Variants in ZFR observed in about 807,000 individuals in gnomAD.
ZFR encodes the protein zinc finger RNA binding protein, also known as zinc finger RNA-binding protein.
Under a neutral mutation model 130.7 loss-of-function variants are expected in ZFR, and 19 were observed. The observed-to-expected ratio is 0.15, with a 90% confidence interval of 0.10 to 0.21. The LOEUF (loss-of-function observed/expected upper bound fraction) is 0.21. ZFR is among the 10% of genes least tolerant of loss of function. The probability of loss-of-function intolerance (pLI) is 1.00; values close to 1 mark genes in which losing one functional copy is unlikely to be tolerated. For missense variants in ZFR, 872 were observed against 1,321.5 expected (o/e 0.66, Z 5.27); for synonymous variants, 466 against 456.9 (o/e 1.02, Z -0.25).
chr5:32,394,306 T>TA (rs1158913910), intron 11 of ZFR: 9 of 167,926 alleles, frequency 5.4e-5, no homozygotes, highest in Non-Finnish European at 1.3e-4. Context: ...TGAAACATGT[T>TA]ACAATCTGGA....
At chr5:32,378,652 G>A (rs1266573172) in intron 17 of ZFR, among the ~76,000 whole-genome samples, 2 of 151,872 alleles carry the variant, frequency 1.3e-5, no homozygotes, top group African/African-American at 2.4e-5. Flanking sequence ...TAAATAAGAA[G>A]GCTTTTGGTT....
intron 10 of ZFR, among the ~76,000 whole-genome samples, chr5:32,396,612 C>T (rs1250752910): frequency 4.6e-5 from 7 of 152,074 alleles, no homozygotes; most frequent in Non-Finnish European, 2.9e-5. Context: ...GGGGTGCATG[C>T]CTGTAATCCC....
chr5:32,435,475 C>G (rs998180178), intron 2 of ZFR, among the ~76,000 whole-genome samples: 1 of 152,174 alleles, frequency 6.6e-6, no homozygotes, highest in Non-Finnish European at 1.5e-5. Context: ...GTAACTTAAA[C>G]AGAAGAGTGT....
At chr5:32,437,587 G>C (rs1229635892) in intron 2 of ZFR, among the ~76,000 whole-genome samples, 2 of 152,132 alleles carry the variant, frequency 1.3e-5, no homozygotes, top group African/African-American at 2.4e-5. Flanking sequence ...TTAATAAGTA[G>C]ACTAAAGATC....
At chr5:32,380,018 G>A in intron 16 of ZFR, 57 bp downstream of exon 16, 1 of 1,410,500 alleles carries the variant, frequency 7.1e-7, no homozygotes, top group Non-Finnish European at 1.0e-6. Context: ...TAAACATGTT[G>A]TACTGAACTA....
intron 2 of ZFR, among the ~76,000 whole-genome samples, chr5:32,430,993 T>C (rs1021723897): frequency 6.6e-6 from 1 of 152,142 alleles, no homozygotes; most frequent in Non-Finnish European, 1.5e-5. Context: ...GAGGACTGCT[T>C]GAGCCCGGGA....
intron 6 of ZFR, 33 bp downstream of exon 6, chr5:32,406,741 G>C (rs868223349): frequency 6.3e-7 from 1 of 1,586,706 alleles, no homozygotes; most frequent in Non-Finnish European, 8.5e-7. Context: ...AATAACCACT[G>C]AAGACTCAAG....
Position 32,390,284 on chromosome 5 carries a change from C to T in ZFR, c.2133G>A (p.Gln711=), listed in dbSNP as rs779539942. 28 of 1,613,462 alleles carry T rather than the reference C, an allele frequency of 1.7e-5. No individual in the cohort carries two copies. The South Asian group carries it at 3.1e-4, about 18-fold the overall frequency. ...CAACGTGGACACTCACTGCAGGCCC[C>T]TGAGGCTGAGGAGGCATGCCTGGTC... is the stretch of plus-strand genomic sequence containing the variant. The part of the protein sequence containing the change: ...GVRPGMPPQP[Q]GPAPLRRPDS... The change falls in exon 12 of 20, where the codon CAG becomes CAA. Residue 711 remains glutamine, a synonymous_variant. Transcript: ENST00000265069.
At chr5:32,435,984 A>G (rs1754323090) in intron 2 of ZFR, among the ~76,000 whole-genome samples, 1 of 152,152 alleles carries the variant, frequency 6.6e-6, no homozygotes, top group Non-Finnish European at 1.5e-5. Flanking sequence ...CAGTAACTTG[A>G]TAACTGTACT....
intron 2 of ZFR, among the ~76,000 whole-genome samples, chr5:32,439,871 T>A (rs1361548756): frequency 6.8e-6 from 1 of 147,308 alleles, no homozygotes; most frequent in Non-Finnish European, 1.5e-5. Flanking sequence ...TGGGATATAA[T>A]GGGATTATTT....
chr5:32,414,638 G>A (rs1208032712), intron 5 of ZFR, among the ~76,000 whole-genome samples: 1 of 152,118 alleles, frequency 6.6e-6, no homozygotes, highest in Non-Finnish European at 1.5e-5. Flanking sequence ...TTAACCTTGA[G>A]TTTTCAATTT....
chr5:32,361,257 T>C (rs1025955484), intron 19 of ZFR, among the ~76,000 whole-genome samples: 1 of 152,238 alleles, frequency 6.6e-6, no homozygotes, highest in Non-Finnish European at 1.5e-5. Context: ...ATAATTCTAG[T>C]TGCTAAGAAT....
chr5:32,380,331 C>A, intron 15 of ZFR, 159 bp from the exon 16 acceptor site: 2 of 501,452 alleles, frequency 4.0e-6, no homozygotes, highest in Non-Finnish European at 7.3e-6. Flanking sequence ...TTTACATAAT[C>A]CAATATGAGG....
In ZFR at chr5:32,403,157, G is replaced by A; in HGVS notation, c.1465C>T (p.Pro489Ser). The change falls in exon 8 of 20, where the codon CCT becomes TCT. Residue 489 changes from proline (P) to serine (S), a missense_variant. By Grantham distance (74) the Pro-to-Ser change is moderately conservative. This residue lies in a region of ZFR where 143 missense variants were observed against 137.9 expected (regional missense o/e 1.04). Transcript: ENST00000265069. ...GTTTTCTTGGCAGCCATATTTGTAG[G>A]CACTGCTGATACTTTAGTGTTAGAT... Reference protein sequence around the residue: ...STSNTKVSAVPTNMAAKKTST... With the variant: ...STSNTKVSAVSTNMAAKKTST... 1 of 1,614,150 alleles carries A rather than the reference G, an allele frequency of 6.2e-7. No homozygotes were observed.
chr5:32,432,818 T>C (rs369641690), intron 2 of ZFR, among the ~76,000 whole-genome samples: 1 of 151,864 alleles, frequency 6.6e-6, no homozygotes, highest in African/African-American at 2.4e-5. Context: ...ACCCTCAACA[T>C]CCCCAGCTCA....
intron 13 of ZFR, 120 bp downstream of exon 13, chr5:32,388,349 G>C: frequency 2.2e-6 from 2 of 922,598 alleles, no homozygotes; most frequent in Non-Finnish European, 3.2e-6. Flanking sequence ...TCGAACACAG[G>C]CATGGTTAAA....
intron 17 of ZFR, among the ~76,000 whole-genome samples, chr5:32,369,506 AAAACAAAAC>A (rs1340294733): frequency 6.6e-6 from 1 of 152,162 alleles, no homozygotes; most frequent in African/African-American, 2.4e-5. Flanking sequence ...AAAACAAAAC[AAAACAAAAC>A]AAAAAACTGG....
At chr5:32,380,783 G>A (rs1251264133) in intron 15 of ZFR, among the ~76,000 whole-genome samples, 1 of 151,210 alleles carries the variant, frequency 6.6e-6, no homozygotes, top group East Asian at 1.9e-4. Flanking sequence ...CAAGTAGCTG[G>A]GATTACAGGT....
At position 32,415,062 on chromosome 5, in the gene ZFR, A is replaced by G. The variant is rs753899480; in HGVS notation, c.691T>C (p.Ser231Pro). ...GCTGCTACTGGCTGTACGGTGGAGGATACAGGATAGATGGAGAAAGTAGTG... is the reference window on the plus strand; with the variant it reads ...GCTGCTACTGGCTGTACGGTGGAGGGTACAGGATAGATGGAGAAAGTAGTG... ...ATTTFSIYPVSSTVQPVAAAA... is the reference protein window; with the variant it reads ...ATTTFSIYPVPSTVQPVAAAA... Residue 231 changes from serine (S) to proline (P), a missense_variant, in exon 5 of 20, where the codon TCC becomes CCC. Ser to Pro is a moderately conservative substitution (Grantham distance 74). Coordinates refer to ENST00000265069, the MANE Select transcript of ZFR (RefSeq NM_016107.5). 1 of 1,614,136 alleles carries G rather than the reference A, an allele frequency of 6.2e-7. No homozygotes were observed. The highest frequency in any genetic ancestry group is 8.5e-7 in the Non-Finnish European group (1 of 1,180,014).
Sources: gnomAD v4.1 joint callset for allele counts (sites outside exome capture counted in the v4.1 genomes callset) on GRCh38, gnomAD v4.1.1 for gene constraint, gnomAD v4.1.1 regional missense constraint, MANE v1.5 for transcripts, NCBI Gene and HGNC (gene_info 2026-07-23, HGNC 2026-07-21) for gene names.